NSUN6: variants seen among roughly 807,000 people sequenced by gnomAD.
NSUN6 encodes tRNA (cytosine(72)-C(5))-methyltransferase NSUN6.
Under a neutral mutation model 58.0 loss-of-function variants are expected in NSUN6, and 64 were observed. That is an observed-to-expected ratio of 1.10 (90% CI 0.90 to 1.36). NSUN6 has a LOEUF of 1.36. Among genes scored for constraint, NSUN6 ranks in the 40% most tolerant of loss-of-function variants. The pLI, the probability that NSUN6 is intolerant of heterozygous loss-of-function variation, is 0.00. For missense variants in NSUN6, 701 were observed against 550.1 expected, an observed-to-expected ratio of 1.27 and a Z score of -2.74; for synonymous variants, 231 against 193.9, an observed-to-expected ratio of 1.19 and a Z score of -1.59.
chr10:18,570,764 C>T (rs558163862), intron 8 of NSUN6, among the ~76,000 whole-genome samples: 18 of 150,028 alleles, frequency 1.2e-4, no homozygotes, highest in African/African-American at 3.2e-4. Flanking sequence ...ATTCTCCATT[C>T]CATTCCATGC....
chr10:18,626,150 C>G (rs140140305), intron 3 of NSUN6, among the ~76,000 whole-genome samples: 2 of 152,078 alleles, frequency 1.3e-5, no homozygotes, highest in Non-Finnish European at 2.9e-5. Context: ...GAGAAATAAA[C>G]TGTGCCATAA....
chr10:18,602,891 T>A (rs2057902177), intron 6 of NSUN6, among the ~76,000 whole-genome samples: 1 of 152,224 alleles, frequency 6.6e-6, no homozygotes, highest in Admixed American at 6.5e-5. Flanking sequence ...CTACAAGTGG[T>A]AAGTCAAAGT....
Position 18,642,474 on chromosome 10 carries a change from A to G in NSUN6, c.311+2T>C. The G allele has an allele frequency of 6.9e-7, 1 of 1,439,266 alleles. No homozygotes were observed. Among genetic ancestry groups the G allele is most frequent in the Non-Finnish European group, 9.8e-7 (1 of 1,023,764 alleles). The allele number at this position is 1,439,266 out of a possible 1,614,324, so 89.2% of individuals were successfully genotyped here. On this transcript the variant is annotated splice_donor_variant, in intron 3 of 10. Transcript: ENST00000377304. LOFTEE classifies it high-confidence loss of function. ...TAATTTGGAAATGAAGTTCTTACAA[A>G]CCTGGGTCCAATAACAGGAATAAGT...
At chr10:18,626,953 T>C (rs1371796786) in intron 3 of NSUN6, among the ~76,000 whole-genome samples, 2 of 152,186 alleles carry the variant, frequency 1.3e-5, no homozygotes, top group Non-Finnish European at 2.9e-5. Context: ...GGAGCACGAA[T>C]TGAGAGAATA....
Position 18,609,862 on chromosome 10 carries a change from G to C in NSUN6, c.640C>G (p.Arg214Gly). The C allele has an allele frequency of 6.3e-7, 1 of 1,580,242 alleles. No individual in the cohort carries two copies. Among genetic ancestry groups the C allele is most frequent in the East Asian group, 2.2e-5 (1 of 44,668 alleles). ...ATACTTACTTGTAAAAATAAGTAAC[G>C]GGGCAGTACACTGTCAAATGAAGGG... ...LSPSFDSVLP[R>G]YLFLQNLPSA... is the part of the protein sequence containing the mutation. Residue 214 changes from arginine to glycine, a missense_variant, in exon 6 of 11, where the codon CGT (arginine) becomes GGT (glycine). Coordinates refer to ENST00000377304, the MANE Select transcript of NSUN6 (RefSeq NM_182543.5).
At chr10:18,602,648 G>A (rs1428771857) in intron 6 of NSUN6, among the ~76,000 whole-genome samples, 1 of 152,114 alleles carries the variant, frequency 6.6e-6, no homozygotes, top group Non-Finnish European at 1.5e-5. Flanking sequence ...GGGATTACAG[G>A]TATGAGCCAC....
intron 8 of NSUN6, among the ~76,000 whole-genome samples, chr10:18,580,101 C>T (rs2056838728): frequency 6.6e-6 from 1 of 152,150 alleles, no homozygotes; most frequent in South Asian, 2.1e-4. Context: ...GACATGACTT[C>T]TGGAATAAGG....
chr10:18,586,124 A>C lies in NSUN6; in HGVS notation c.778-31T>G, dbSNP rs201867097. On this transcript the variant is annotated intron_variant, in intron 7 of 10. Coordinates refer to ENST00000377304, the MANE Select transcript of NSUN6 (RefSeq NM_182543.5). Reference sequence around the variant, plus strand: ...AAGAAACAAAACACACACATGCAGAAAAAAAAAAAGAAAATTATAAATCCA... The same window carrying C: ...AAGAAACAAAACACACACATGCAGACAAAAAAAAAGAAAATTATAAATCCA... 2.6e-4 allele frequency: 387 copies of C among 1,468,090 alleles called. No individual in the cohort carries two copies. In the African/African-American group the frequency reaches 4.2e-3, roughly 16 times the overall value. The allele number at this position is 1,468,090 out of a possible 1,614,324, so 90.9% of individuals were successfully genotyped here.
intron 8 of NSUN6, among the ~76,000 whole-genome samples, chr10:18,569,556 C>A (rs1165487644): frequency 2.0e-5 from 3 of 149,612 alleles, no homozygotes; most frequent in African/African-American, 7.4e-5. Flanking sequence ...AAGTCCTTTC[C>A]ATTCTCCCTT....
intron 7 of NSUN6, among the ~76,000 whole-genome samples, chr10:18,593,447 G>T (rs1356747466): frequency 6.6e-6 from 1 of 152,100 alleles, no homozygotes; most frequent in Non-Finnish European, 1.5e-5. Flanking sequence ...GCAAAGACTT[G>T]GAACCAACCC....
intron 7 of NSUN6, among the ~76,000 whole-genome samples, chr10:18,586,860 G>A (rs961433984): frequency 5.9e-5 from 9 of 152,112 alleles, no homozygotes; most frequent in African/African-American, 1.9e-4. Context: ...TTTACAGAGC[G>A]CTGATTGGTC....
At chr10:18,606,337 T>TG (rs75018167) in intron 6 of NSUN6, among the ~76,000 whole-genome samples, 9 of 106,578 alleles carry the variant, frequency 8.4e-5, no homozygotes, top group African/African-American at 2.8e-4. Context: ...ATGAGTGACA[T>TG]TAACAAAATA....
chr10:18,651,721 C>T (rs192822166), upstream of NSUN6: 4 of 985,546 alleles, frequency 4.1e-6, no homozygotes, highest in African/African-American at 7.0e-5. Flanking sequence ...CACTGCGTTA[C>T]GCTACGCCAC....
At chr10:18,594,625 T>G (rs531633287) in intron 7 of NSUN6, among the ~76,000 whole-genome samples, 1 of 152,266 alleles carries the variant, frequency 6.6e-6, no homozygotes, top group East Asian at 1.9e-4. Flanking sequence ...CTTTTTTTTG[T>G]ATTTTTAGTA....
chr10:18,626,981 T>C (rs532103978), intron 3 of NSUN6, among the ~76,000 whole-genome samples: 30 of 152,304 alleles, frequency 2.0e-4, no homozygotes, highest in Middle Eastern at 3.4e-3. Flanking sequence ...TCCTTAAAAT[T>C]ACAAATTGAT....
chr10:18,642,405 ACAATTAAAAAG>A, intron 3 of NSUN6, 60 bp downstream of exon 3: 1 of 765,362 alleles, frequency 1.3e-6, no homozygotes, highest in Admixed American at 2.1e-5. Context: ...TTATCACTGA[ACAATTAAAAAG>A]CTCCCTGTGA....
intron 1 of NSUN6, among the ~76,000 whole-genome samples, chr10:18,649,245 TAAAG>T (rs1294548898): frequency 3.3e-5 from 5 of 152,224 alleles, no homozygotes; most frequent in Non-Finnish European, 7.3e-5. Context: ...TATGACGGTA[TAAAG>T]ACTCAACAAT....
chr10:18,628,686 A>G (rs373282177), intron 3 of NSUN6, among the ~76,000 whole-genome samples: 5 of 152,138 alleles, frequency 3.3e-5, no homozygotes, highest in African/African-American at 1.2e-4. Flanking sequence ...GAAATGAAGC[A>G]AGAAGGGAAG....
At chr10:18,596,388 C>G (rs971824788) in intron 6 of NSUN6, 61 bp from the exon 7 acceptor site, 121 of 1,195,644 alleles carry the variant, frequency 1.0e-4, no homozygotes, top group Middle Eastern at 1.9e-4. Context: ...ATTTGAGAAC[C>G]AGAGAATATA....
Sources: allele counts gnomAD v4.1 joint callset (sites outside exome capture counted in the v4.1 genomes callset), GRCh38; gene constraint gnomAD v4.1.1; transcripts MANE v1.5; gene names NCBI Gene and HGNC (gene_info 2026-07-23, HGNC 2026-07-21).